COL10A1: variants seen among roughly 807,000 people sequenced by gnomAD.
COL10A1 encodes collagen alpha-1(X) chain.
Under a neutral mutation model 18.2 loss-of-function variants are expected in COL10A1, and 10 were observed. The observed-to-expected ratio is 0.55, with a 90% CI of 0.34 to 0.93. The LOEUF is 0.93. Among genes scored for constraint, COL10A1 ranks in the 40% least tolerant of loss-of-function variants. The pLI is 0.02. For synonymous variants in COL10A1, 330 were observed against 316.6 expected (o/e 1.04, Z -0.45); for missense variants, 897 against 853.5 (o/e 1.05, Z -0.64).
chr6:116,169,895 A>G, the COL10A1 span, among the ~76,000 whole-genome samples: 3 of 152,330 alleles, frequency 2.0e-5, no homozygotes, highest in East Asian at 3.9e-4. Flanking sequence ...TTAGGGCAGA[A>G]GAGGAGTTGA....
the COL10A1 span, among the ~76,000 whole-genome samples, chr6:116,208,787 G>A: frequency 6.6e-6 from 1 of 152,062 alleles, no homozygotes; most frequent in African/African-American, 2.4e-5. Context: ...AATAAAGTGT[G>A]CTAAAATCAT....
chr6:116,214,986 A>G, the COL10A1 span, among the ~76,000 whole-genome samples: 3 of 152,210 alleles, frequency 2.0e-5, no homozygotes, highest in East Asian at 3.9e-4. Context: ...GGTGGGGGGC[A>G]TAGGAATTGT....
At chr6:116,178,411 T>C in the COL10A1 span, among the ~76,000 whole-genome samples, 1 of 152,232 alleles carries the variant, frequency 6.6e-6, no homozygotes, top group Non-Finnish European at 1.5e-5. Context: ...AAAGAATCTG[T>C]AAACATCTCT....
chr6:116,143,128 C>T (rs1779806643), intron 1 of COL10A1, among the ~76,000 whole-genome samples: 2 of 152,080 alleles, frequency 1.3e-5, no homozygotes, highest in Admixed American at 1.3e-4. Flanking sequence ...ATAAATTTGC[C>T]TCTGGCATAG....
the COL10A1 span, among the ~76,000 whole-genome samples, chr6:116,194,235 CAT>C: frequency 6.6e-6 from 1 of 152,034 alleles, no homozygotes; most frequent in Non-Finnish European, 1.5e-5. Flanking sequence ...ATTCTAGTAA[CAT>C]GTTCTTTCAA....
chr6:116,143,872 G>A (rs770958211), intron 1 of COL10A1, among the ~76,000 whole-genome samples: 16 of 152,118 alleles, frequency 1.1e-4, no homozygotes, highest in Non-Finnish European at 2.2e-4. Context: ...GTTTGGTTGT[G>A]TTGTGTTTTC....
Position 116,121,491 on chromosome 6 carries a change from C to T in COL10A1, c.625G>A (p.Gly209Ser), listed in dbSNP as rs146114911. Residue 209 changes from glycine to serine, a missense_variant, in exon 3 of 3, where the codon GGT (glycine) becomes AGT (serine). Gly to Ser is a moderately conservative substitution (Grantham distance 56). Coordinates refer to ENST00000651968, the MANE Select transcript of COL10A1 (RefSeq NM_000493.4). Reference sequence around the variant, plus strand: ...GGAGGGCCAGATGGTCCTGTGGGACCCTGAGGGCCTGGAAGACCCCTCTCA... The same window carrying T: ...GGAGGGCCAGATGGTCCTGTGGGACTCTGAGGGCCTGGAAGACCCCTCTCA... ...PGERGLPGPQ[G>S]PTGPSGPPGV... The T allele has an allele frequency of 1.7e-3, 2,822 of 1,614,150 alleles. 56 individuals carry two copies. The highest frequency in any genetic ancestry group is 1.6e-4 in the Non-Finnish European group (186 of 1,180,028).
chr6:116,133,893 A>G (rs1289417271), intron 1 of COL10A1, among the ~76,000 whole-genome samples: 1 of 152,214 alleles, frequency 6.6e-6, no homozygotes, highest in Non-Finnish European at 1.5e-5. Context: ...TAAAATGTAT[A>G]TACTATAGAG....
At chr6:116,207,993 C>A in the COL10A1 span, among the ~76,000 whole-genome samples, 4 of 152,016 alleles carry the variant, frequency 2.6e-5, no homozygotes, top group African/African-American at 9.6e-5. Context: ...AGAAGAAAAA[C>A]CAGGTTAGAA....
chr6:116,191,121 A>AT, the COL10A1 span, among the ~76,000 whole-genome samples: 1 of 151,724 alleles, frequency 6.6e-6, no homozygotes, highest in African/African-American at 2.4e-5. Flanking sequence ...GTGGAAACCA[A>AT]TTTTTTTAAT....
chr6:116,125,353 G>A lies in COL10A1; in HGVS notation c.140C>T (p.Thr47Ile), dbSNP rs1308116107. ...ATTCAATTTACCTTTACTCTTTATG[G>A]TGTAGGGAATGAAGAACTGTGTCTT... ...NTKTQFFIPY[T>I]IKSKGIAVRG... Residue 47 changes from threonine (T) to isoleucine (I), a missense_variant, in exon 2 of 3, where the codon ACC becomes ATC. Coordinates refer to ENST00000651968, the MANE Select transcript of COL10A1 (RefSeq NM_000493.4). 1.2e-6 allele frequency: 2 copies of A among 1,613,692 alleles called. No homozygotes were observed. Among genetic ancestry groups the A allele is most frequent in the East Asian group, 4.5e-5 (2 of 44,808 alleles).
the COL10A1 span, among the ~76,000 whole-genome samples, chr6:116,185,906 T>C: frequency 6.6e-6 from 1 of 152,122 alleles, no homozygotes; most frequent in East Asian, 1.9e-4. Flanking sequence ...CTATTCATCC[T>C]GCAAGTTGTT....
At chr6:116,208,894 C>G in the COL10A1 span, among the ~76,000 whole-genome samples, 1 of 151,912 alleles carries the variant, frequency 6.6e-6, no homozygotes, top group Admixed American at 6.6e-5. Flanking sequence ...ATAGAGAACC[C>G]AGGCCAGAGA....
chr6:116,165,837 C>T, the COL10A1 span, among the ~76,000 whole-genome samples: 1 of 152,234 alleles, frequency 6.6e-6, no homozygotes, highest in African/African-American at 2.4e-5. Flanking sequence ...AGGTTCTGGG[C>T]TATGTTTGCA....
chr6:116,121,632 C>G lies in COL10A1; in HGVS notation c.484G>C (p.Gly162Arg), dbSNP rs548773444. The change falls in exon 3 of 3, where the codon GGA becomes CGA. Residue 162 changes from glycine to arginine, a missense_variant. Transcript: ENST00000651968. ...ISVPGKPGQQ[G>R]PTGAPGPRGF... ...CTGGGTCCTGGGGCTCCTGTGGGTC[C>G]CTGTTGTCCAGGTTTTCCTGGCACA... is the stretch of plus-strand genomic sequence containing the variant. 2 of 1,613,976 alleles carry G rather than the reference C, an allele frequency of 1.2e-6. No homozygotes were observed. The highest frequency in any genetic ancestry group is 1.7e-5 in the Admixed American group (1 of 60,026).
intron 1 of COL10A1, among the ~76,000 whole-genome samples, chr6:116,134,732 GAA>G (rs1779547215): frequency 6.6e-6 from 1 of 152,158 alleles, no homozygotes; most frequent in Non-Finnish European, 1.5e-5. Context: ...TTTCACAAAA[GAA>G]AATAACCGTG....
intron 2 of COL10A1, among the ~76,000 whole-genome samples, chr6:116,124,025 C>A (rs563338595): frequency 2.6e-5 from 4 of 151,920 alleles, no homozygotes; most frequent in Non-Finnish European, 4.4e-5. Flanking sequence ...CGGAAGGTTG[C>A]TTTGTCTTTT....
At chr6:116,210,306 C>T in the COL10A1 span, among the ~76,000 whole-genome samples, 1 of 151,760 alleles carries the variant, frequency 6.6e-6, no homozygotes, top group African/African-American at 2.4e-5. Flanking sequence ...AAATTCTGAA[C>T]TCTCACTTAT....
upstream of COL10A1, among the ~76,000 whole-genome samples, chr6:116,128,354 G>A (rs1399967722): frequency 6.6e-6 from 1 of 152,060 alleles, no homozygotes. Context: ...CCACCCAATT[G>A]TGTATTTAAA....
Sources: gnomAD v4.1 joint callset for allele counts (sites outside exome capture counted in the v4.1 genomes callset) on GRCh38, gnomAD v4.1.1 for gene constraint, MANE v1.5 for transcripts, NCBI Gene and HGNC (gene_info 2026-07-23, HGNC 2026-07-21) for gene names.